Variants in MFF observed in about 807,000 individuals in gnomAD.
The protein encoded by MFF is chromosome 2 open reading frame 33.
A neutral mutation model predicts 36.9 loss-of-function variants in MFF; 12 were observed. The observed-to-expected ratio is 0.33, with a 90% CI of 0.21 to 0.53. The LOEUF (loss-of-function observed/expected upper bound fraction) is 0.53. Ranked by LOEUF, MFF falls within the 20% of genes least tolerant of loss-of-function variation. The pLI is 0.95. For synonymous variants in MFF, 99 were observed against 126.2 expected, an observed-to-expected ratio of 0.78 and a Z score of 1.44; for missense variants, 348 against 366.6, an observed-to-expected ratio of 0.95 and a Z score of 0.42.
At chr2:227,333,421 G>A (rs566432626) in intron 4 of MFF, among the ~76,000 whole-genome samples, 2 of 152,270 alleles carry the variant, frequency 1.3e-5, no homozygotes, top group South Asian at 2.1e-4. Flanking sequence ...TAGGTATTTG[G>A]TGAAAAGCAC....
intron 6 of MFF, among the ~76,000 whole-genome samples, chr2:227,350,014 T>C (rs1184829412): frequency 6.6e-6 from 1 of 152,134 alleles, no homozygotes; most frequent in Non-Finnish European, 1.5e-5. Context: ...TTCCTTGACA[T>C]AAGAACTGTG....
At chr2:227,326,023 C>A (rs1392573074) in intron 1 of MFF, among the ~76,000 whole-genome samples, 1 of 152,048 alleles carries the variant, frequency 6.6e-6, no homozygotes, top group Non-Finnish European at 1.5e-5. Context: ...TCTCGGGTTT[C>A]CTTCCAGGAG....
chr2:227,332,984 G>A (rs192950928), intron 4 of MFF, among the ~76,000 whole-genome samples: 3 of 152,236 alleles, frequency 2.0e-5, no homozygotes, highest in East Asian at 1.9e-4. Flanking sequence ...ACCCATTCTC[G>A]CTACTTGATT....
chr2:227,352,218 T>C (rs1014713237), intron 6 of MFF: 9 of 283,734 alleles, frequency 3.2e-5, no homozygotes, highest in Admixed American at 9.6e-5. Context: ...TCCTCTGTCT[T>C]AAATTTCATA....
At chr2:227,349,969 T>C (rs1358687982) in intron 6 of MFF, among the ~76,000 whole-genome samples, 1 of 152,168 alleles carries the variant, frequency 6.6e-6, no homozygotes, top group African/African-American at 2.4e-5. Context: ...AGCTTTCTGC[T>C]TGCTTTATCA....
chr2:227,350,109 A>G (rs1161080774), intron 6 of MFF, among the ~76,000 whole-genome samples: 1 of 152,148 alleles, frequency 6.6e-6, no homozygotes, highest in African/African-American at 2.4e-5. Context: ...ATCTAAACCA[A>G]ACTCAACGTG....
intron 5 of MFF, among the ~76,000 whole-genome samples, chr2:227,343,587 T>C (rs1358312378): frequency 1.3e-5 from 2 of 152,230 alleles, no homozygotes; most frequent in Non-Finnish European, 2.9e-5. Context: ...GTGAAAATTT[T>C]TTCTCTTTAT....
chr2:227,338,857 C>T (rs1014376662), intron 4 of MFF, among the ~76,000 whole-genome samples: 5 of 150,964 alleles, frequency 3.3e-5, no homozygotes, highest in Admixed American at 3.3e-4. Flanking sequence ...AAAAAAAAAC[C>T]ATAATGTTGC....
At chr2:227,339,497 A>G (rs1373453560) in intron 4 of MFF, among the ~76,000 whole-genome samples, 1 of 152,212 alleles carries the variant, frequency 6.6e-6, no homozygotes, top group East Asian at 1.9e-4. Context: ...ACTTGGTACT[A>G]GCTGTTGTCT....
At chr2:227,356,045 G>A (rs2076238847) in intron 8 of MFF, among the ~76,000 whole-genome samples, 1 of 152,132 alleles carries the variant, frequency 6.6e-6, no homozygotes, top group African/African-American at 2.4e-5. Flanking sequence ...TTTGAAATGT[G>A]GAACAATTAC....
At chr2:227,326,792 T>C (rs572520574) in intron 1 of MFF, among the ~76,000 whole-genome samples, 31 of 152,310 alleles carry the variant, frequency 2.0e-4, no homozygotes, top group African/African-American at 7.0e-4. Context: ...GGGTTTTTTT[T>C]GGTTTGTTTT....
chr2:227,356,619 A>G (rs779715018), intron 8 of MFF, among the ~76,000 whole-genome samples: 1 of 152,164 alleles, frequency 6.6e-6, no homozygotes, highest in Non-Finnish European at 1.5e-5. Flanking sequence ...AGAAAGGGGA[A>G]GGAGTCCCGT....
chr2:227,349,262 A>G (rs1477019997), intron 6 of MFF, among the ~76,000 whole-genome samples: 1 of 152,136 alleles, frequency 6.6e-6, no homozygotes, highest in Non-Finnish European at 1.5e-5. Flanking sequence ...ACTTATAAAA[A>G]TATGGATTTT....
At chr2:227,352,675 A>C in intron 7 of MFF, 102 bp downstream of exon 7, 1 of 930,444 alleles carries the variant, frequency 1.1e-6, no homozygotes, top group South Asian at 1.3e-5. Context: ...TTGTAGCTGA[A>C]CTTGTTTCTA....
chr2:227,333,142 G>T (rs1437166242), intron 4 of MFF, among the ~76,000 whole-genome samples: 2 of 152,198 alleles, frequency 1.3e-5, no homozygotes, highest in South Asian at 2.1e-4. Context: ...CTGCTTTGCC[G>T]TGATGATTGC....
chr2:227,356,616 G>A (rs561515715), intron 8 of MFF, among the ~76,000 whole-genome samples: 2 of 152,112 alleles, frequency 1.3e-5, no homozygotes, highest in African/African-American at 4.8e-5. Flanking sequence ...CATAGAAAGG[G>A]GAAGGAGTCC....
At chr2:227,325,644 A>G in intron 1 of MFF, 1 of 152,270 alleles carries the variant, frequency 6.6e-6, no homozygotes, top group Non-Finnish European at 1.5e-5. Context: ...AGCGAGGGAG[A>G]GGAGCGTCTT....
intron 6 of MFF, among the ~76,000 whole-genome samples, chr2:227,348,811 C>A (rs1462303021): frequency 1.3e-5 from 2 of 152,150 alleles, no homozygotes; most frequent in East Asian, 1.9e-4. Context: ...TTGTGAGGAT[C>A]TTCTCCCCTC....
At chr2:227,342,819 CG>C in intron 5 of MFF, 1 of 1,612,504 alleles carries the variant, frequency 6.2e-7, no homozygotes, top group Non-Finnish European at 8.5e-7. Flanking sequence ...CCGGAGTACA[CG>C]TAAGATTTTA....
Sources: gnomAD v4.1 joint callset for allele counts (sites outside exome capture counted in the v4.1 genomes callset) on GRCh38, gnomAD v4.1.1 for gene constraint, MANE v1.5 for transcripts, NCBI Gene and HGNC (gene_info 2026-07-23, HGNC 2026-07-21) for gene names.